SLK: variants seen among roughly 807,000 people sequenced by gnomAD.
SLK encodes STE20-like serine/threonine-protein kinase.
In SLK, 67 loss-of-function variants were observed where a neutral mutation model predicts 147.7. The ratio of observed to expected loss-of-function variants is 0.45; its 90% CI spans 0.37 to 0.56. The LOEUF is 0.56. Ranked by LOEUF, SLK falls within the 20% of genes least tolerant of loss-of-function variation. SLK has a pLI of 0.00. For synonymous variants in SLK, 441 were observed against 475.0 expected, an observed-to-expected ratio of 0.93 and a Z score of 0.93; for missense variants, 1,136 against 1,438.8, an observed-to-expected ratio of 0.79 and a Z score of 3.41.
rs1221325469 is a variant in SLK at position 104,003,373 on chromosome 10, C to T, written c.2195C>T (p.Thr732Ile). 1.2e-5 allele frequency: 20 copies of T among 1,613,980 alleles called. No homozygotes were observed. The highest frequency in any genetic ancestry group is 1.7e-5 in the Non-Finnish European group (20 of 1,179,948). ...NKEEIGSLSKTETILPPESEN... is the reference protein window; with the variant it reads ...NKEEIGSLSKIETILPPESEN... ...GAAGAAATAGGTTCTTTATCAAAAA[C>T]TGAAACTATTCTGCCACCAGAATCT... Residue 732 changes from threonine (T) to isoleucine (I), a missense_variant, in exon 9 of 19, where the codon ACT becomes ATT. Thr to Ile is a moderately conservative substitution (Grantham distance 89, BLOSUM62 -1). Transcript: ENST00000369755.
chr10:103,997,956 A>G lies in SLK; in HGVS notation c.515-943A>G, dbSNP rs1201596029. On this transcript the variant is annotated intron_variant, in intron 4 of 18. Coordinates refer to ENST00000369755, the MANE Select transcript of SLK (RefSeq NM_014720.4). ...ACTGAAGGTTTAGGAATTGTAAAATAATATTTAGTTAGTTGACAATTAAAA... is the reference window on the plus strand; with the variant it reads ...ACTGAAGGTTTAGGAATTGTAAAATGATATTTAGTTAGTTGACAATTAAAA... Among the ~76,000 whole-genome samples the G allele has an allele frequency of 2.0e-5, 3 of 152,182 alleles. No homozygotes were observed. In the East Asian group the frequency reaches 5.8e-4, roughly 29 times the overall value.
rs1358348376 is a variant in SLK, at chr10:103,995,742, T to C, written c.514+2609T>C. Among the ~76,000 whole-genome samples, 7 of 152,124 alleles carry C rather than the reference T, an allele frequency of 4.6e-5. No individual in the cohort carries two copies. In the East Asian group the frequency reaches 1.4e-3, roughly 29 times the overall value. Reference sequence around the variant, plus strand: ...CACCCAGTGTAATTAGCCATTTCTTTAAGAAGCCCTGGTTTCTTTTAGTAG... The same window carrying C: ...CACCCAGTGTAATTAGCCATTTCTTCAAGAAGCCCTGGTTTCTTTTAGTAG... On this transcript the variant is annotated intron_variant, in intron 4 of 18. Transcript: ENST00000369755.
chr10:104,022,063 A>G (rs1358476758), intron 18 of SLK, among the ~76,000 whole-genome samples: 1 of 152,184 alleles, frequency 6.6e-6, no homozygotes, highest in Non-Finnish European at 1.5e-5. Flanking sequence ...TTGAAGGGTG[A>G]GTAAGAACTT....
At chr10:104,007,599 T>G (rs969896108) in intron 11 of SLK, among the ~76,000 whole-genome samples, 2 of 136,258 alleles carry the variant, frequency 1.5e-5, no homozygotes, top group African/African-American at 5.6e-5. Flanking sequence ...CAGAGGGAGA[T>G]CCTGTCTCAA....
Position 103,967,791 on chromosome 10 carries a change from A to G in SLK, c.46A>G (p.Lys16Glu), listed in dbSNP as rs748129895. 1 of 1,601,724 alleles carries G rather than the reference A, an allele frequency of 6.2e-7. No individual in the cohort carries two copies. The highest frequency in any genetic ancestry group is 8.5e-7 in the Non-Finnish European group (1 of 1,171,480). The change falls in exon 1 of 19, where the codon AAG becomes GAG. Residue 16 changes from lysine to glutamate, a missense_variant. By Grantham distance (56) the Lys-to-Glu change is moderately conservative (BLOSUM62 1). Around this residue, in one of 6 missense-constraint regions of SLK, gnomAD observed 126 missense variants for 141.3 expected, o/e 0.89. Coordinates refer to ENST00000369755, the MANE Select transcript of SLK (RefSeq NM_014720.4). ...FRKIFKLGSE[K>E]KKKQYEHVKR... ...TAAGATCTTCAAGTTGGGGAGCGAG[A>G]AGAAGAAGAAGCAGTACGAACACGT...
chr10:104,006,124 A>G, intron 11 of SLK, 89 bp downstream of exon 11: 2 of 1,350,456 alleles, frequency 1.5e-6, no homozygotes, highest in Admixed American at 2.5e-5. Context: ...AAAAGGTTGT[A>G]GAACTTGTTC....
In SLK at chr10:103,989,464, C is replaced by CTTTTTTTTTTTTTTT. The variant is rs68033075; in HGVS notation, c.151-1204_151-1190dup. ...ATTTTGGAAGACAGTGTGGCAGTTT[C>CTTTTTTTTTTTTTTT]TTTTTTTTTTTTTTTTTTTTTGGAG... On this transcript the variant is annotated intron_variant, in intron 1 of 18. Coordinates refer to ENST00000369755, the MANE Select transcript of SLK (RefSeq NM_014720.4). Among the ~76,000 whole-genome samples, 7 of 78,588 alleles carry CTTTTTTTTTTTTTTT rather than the reference C, an allele frequency of 8.9e-5. 2 individuals carry two copies. Among genetic ancestry groups the CTTTTTTTTTTTTTTT allele is most frequent in the Middle Eastern group, 7.4e-3 (1 of 136 alleles). The allele number at this position is 78,588 out of a possible 152,430, so 51.6% of individuals were successfully genotyped here.
In SLK at chr10:104,003,218, TA is replaced by T; in HGVS notation, c.2043del (p.Glu682ArgfsTer17). 6.2e-7 allele frequency: 1 copy of T among 1,611,370 alleles called. No individual in the cohort carries two copies. The highest frequency in any genetic ancestry group is 8.5e-7 in the Non-Finnish European group (1 of 1,179,366). ...CTTCTAAAGTCACTACTCAGATAGA[TA>T]AAGAGAAAAAAGAAATTCCAGTGTC... ...DASKVTTQID[K>X]EKKEIPVSIK... On this transcript the variant is annotated frameshift_variant, in exon 9 of 19. Coordinates refer to ENST00000369755, the MANE Select transcript of SLK (RefSeq NM_014720.4). LOFTEE classifies it high-confidence loss of function.
intron 15 of SLK, chr10:104,019,171 A>T (rs1044438927): frequency 3.4e-6 from 1 of 292,446 alleles, no homozygotes; most frequent in Non-Finnish European, 6.5e-6. Context: ...CGGCTCTCAA[A>T]GGTAGCTATT....
Position 104,003,217 on chromosome 10 carries a change from A to G in SLK, c.2039A>G (p.Asp680Gly). ...GCTTCTAAAGTCACTACTCAGATAG[A>G]TAAAGAGAAAAAAGAAATTCCAGTG... ...QDASKVTTQI[D>G]KEKKEIPVSI... Residue 680 changes from aspartate to glycine, a missense_variant, in exon 9 of 19, where the codon GAT (aspartate) becomes GGT (glycine). Transcript: ENST00000369755. 1 of 1,611,912 alleles carries G rather than the reference A, an allele frequency of 6.2e-7. No homozygotes were observed. Among genetic ancestry groups the G allele is most frequent in the African/African-American group, 1.3e-5 (1 of 74,684 alleles).
intron 1 of SLK, among the ~76,000 whole-genome samples, chr10:103,988,004 C>G (rs1844039985): frequency 1.3e-5 from 2 of 152,082 alleles, no homozygotes; most frequent in South Asian, 4.2e-4. Flanking sequence ...TGGGAGCCCT[C>G]AAAAGAAAAT....
intron 1 of SLK, among the ~76,000 whole-genome samples, chr10:103,982,895 G>C (rs1399295777): frequency 6.6e-6 from 1 of 152,166 alleles, no homozygotes; most frequent in Non-Finnish European, 1.5e-5. Context: ...AGTTGGATAG[G>C]GTTTGAATCC....
chr10:104,021,911 G>A (rs995585374), intron 18 of SLK, among the ~76,000 whole-genome samples, 178 bp downstream of exon 18: 13 of 152,114 alleles, frequency 8.5e-5, no homozygotes, highest in Non-Finnish European at 1.6e-4. Flanking sequence ...GGAATTGGTA[G>A]GGTCATTGCT....
At position 104,025,041 on chromosome 10, in the gene SLK, C is replaced by T. The variant is rs74154719; in HGVS notation, c.3562-533C>T. On this transcript the variant is annotated intron_variant, in intron 18 of 18. Transcript: ENST00000369755. ...AGACATTCACATCACAATGGTGCCT[C>T]TTACATTTCTCAAGCACTTATTTTT... is the stretch of plus-strand genomic sequence containing the variant. Among the ~76,000 whole-genome samples, 1,021 of 152,278 alleles carry T rather than the reference C, an allele frequency of 6.7e-3. 5 individuals are homozygous for T. Among genetic ancestry groups the T allele is most frequent in the Middle Eastern group, 0.031 (9 of 294 alleles).
chr10:104,020,058 C>T, intron 16 of SLK, 136 bp downstream of exon 16: 1 of 698,470 alleles, frequency 1.4e-6, no homozygotes, highest in South Asian at 1.9e-5. Flanking sequence ...ATTCTGTGGG[C>T]TGGGACTATA....
Position 104,003,040 on chromosome 10 carries a change from T to C in SLK, c.1862T>C (p.Ile621Thr). 1.2e-6 allele frequency: 2 copies of C among 1,613,634 alleles called. No individual in the cohort carries two copies. Among genetic ancestry groups the C allele is most frequent in the Non-Finnish European group, 1.7e-6 (2 of 1,179,814 alleles). ...IEEGKNKEQAINSSENIMDIN... is the reference protein window; with the variant it reads ...IEEGKNKEQATNSSENIMDIN... ...GAAGGTAAAAATAAGGAACAAGCAATAAACAGTTCAGAGAACATAATGGAC... is the reference window on the plus strand; with the variant it reads ...GAAGGTAAAAATAAGGAACAAGCAACAAACAGTTCAGAGAACATAATGGAC... Residue 621 changes from isoleucine (I) to threonine (T), a missense_variant, in exon 9 of 19, where the codon ATA becomes ACA. Physicochemically the swap from Ile to Thr is moderately conservative, Grantham distance 89 (BLOSUM62 -1). This residue lies in a region of SLK where 516 missense variants were observed against 531.3 expected (regional missense o/e 0.97). Transcript: ENST00000369755.
intron 16 of SLK, 144 bp downstream of exon 16, chr10:104,020,066 A>G (rs1844515049): frequency 1.2e-5 from 8 of 675,708 alleles, no homozygotes; most frequent in South Asian, 7.7e-5. Context: ...GGCTGGGACT[A>G]TAGATACATG....
intron 11 of SLK, among the ~76,000 whole-genome samples, chr10:104,007,568 A>G (rs1481706399): frequency 6.6e-6 from 1 of 152,038 alleles, no homozygotes; most frequent in African/African-American, 2.4e-5. Flanking sequence ...AGATTGTGCC[A>G]CTGCACTCCA....
chr10:103,967,839 G>T lies in SLK; in HGVS notation c.94G>T (p.Asp32Tyr). 6.2e-7 allele frequency: 1 copy of T among 1,614,148 alleles called. No individual in the cohort carries two copies. The highest frequency in any genetic ancestry group is 8.5e-7 in the Non-Finnish European group (1 of 1,179,998). ...EHVKRDLNPE[D>Y]FWEIIGELGD... is the part of the protein sequence containing the mutation. ...CGTGAAGAGGGACCTGAACCCCGAA[G>T]ACTTTTGGGAGATTATAGGAGAACT... is the stretch of plus-strand genomic sequence containing the variant. Residue 32 changes from aspartate (D) to tyrosine (Y), a missense_variant, in exon 1 of 19, where the codon GAC (aspartate) becomes TAC (tyrosine). Around this residue, in one of 6 missense-constraint regions of SLK, gnomAD observed 126 missense variants for 141.3 expected, o/e 0.89. Transcript: ENST00000369755.
Sources: gnomAD v4.1 joint callset for allele counts (sites outside exome capture counted in the v4.1 genomes callset) on GRCh38, gnomAD v4.1.1 for gene constraint, gnomAD v4.1.1 regional missense constraint, MANE v1.5 for transcripts, NCBI Gene and HGNC (gene_info 2026-07-23, HGNC 2026-07-21) for gene names.